The following THAP5 variants were observed in gnomAD, a reference collection of about 807,000 sequenced individuals.
THAP5 encodes the protein THAP domain containing 5.
Under a neutral mutation model 34.0 loss-of-function variants are expected in THAP5, and 26 were observed. The observed-to-expected ratio is 0.77, with a 90% CI of 0.56 to 1.06. THAP5 has a LOEUF of 1.06. Among genes scored for constraint, THAP5 ranks in the 50% least tolerant of loss-of-function variants. The probability of loss-of-function intolerance (pLI) is 0.00; values close to 1 mark genes in which losing one functional copy is unlikely to be tolerated. For synonymous variants in THAP5, 125 were observed against 153.0 expected, an observed-to-expected ratio of 0.82 and a Z score of 1.35; for missense variants, 394 against 452.8, an observed-to-expected ratio of 0.87 and a Z score of 1.18.
intron 2 of THAP5, 38 bp from the exon 3 acceptor site, chr7:108,565,143 T>A: frequency 7.0e-7 from 1 of 1,425,430 alleles, no homozygotes; most frequent in Non-Finnish European, 9.3e-7. Context: ...AAAAGATGAC[T>A]TTTATTGGCT....
downstream of THAP5, among the ~76,000 whole-genome samples, chr7:108,560,092 C>T (rs1019843585): frequency 6.6e-6 from 1 of 152,158 alleles, no homozygotes; most frequent in African/African-American, 2.4e-5. Context: ...TTCATATTAG[C>T]TTTAAACCTA....
At chr7:108,552,655 C>T (rs147605853), downstream of THAP5, among the ~76,000 whole-genome samples, 4,492 of 152,202 alleles carry the variant, frequency 0.03, 209 homozygotes, top group African/African-American at 0.099. Context: ...CAAAAATTAG[C>T]CAGGTGTTGT....
At chr7:108,553,612 A>G (rs557149773), downstream of THAP5, among the ~76,000 whole-genome samples, 5 of 152,184 alleles carry the variant, frequency 3.3e-5, no homozygotes, top group Non-Finnish European at 7.3e-5. Flanking sequence ...TACCAAAAAC[A>G]TAGGTCCCAG....
the THAP5 span, among the ~76,000 whole-genome samples, chr7:108,544,520 G>T: frequency 6.6e-6 from 1 of 150,668 alleles, no homozygotes; most frequent in Admixed American, 6.6e-5. Flanking sequence ...GACAGAGCAA[G>T]ACTCCATCTC....
At position 108,569,378 on chromosome 7, in the gene THAP5, T is replaced by C. The variant is rs1790560738; in HGVS notation, c.80+112A>G. 4.6e-6 allele frequency: 7 copies of C among 1,523,794 alleles called. No individual in the cohort carries two copies. The Middle Eastern group carries it at 5.1e-4, about 111-fold the overall frequency. 94.4% of individuals were successfully genotyped at this position (1,523,794 alleles called of 1,614,324 possible). Reference sequence around the variant, plus strand: ...GTCTTGCCGCGGGCGACGGGCCACGTACGGAGAGCTGAGGACTCACTGGCA... The same window carrying C: ...GTCTTGCCGCGGGCGACGGGCCACGCACGGAGAGCTGAGGACTCACTGGCA... On this transcript the variant is annotated intron_variant, in intron 1 of 2. Coordinates refer to ENST00000415914, the MANE Select transcript of THAP5 (RefSeq NM_001130475.3).
chr7:108,544,947 G>A, the THAP5 span, among the ~76,000 whole-genome samples: 1 of 152,122 alleles, frequency 6.6e-6, no homozygotes, highest in African/African-American at 2.4e-5. Flanking sequence ...CACTACGCCT[G>A]GCCTAGATTC....
the THAP5 span, among the ~76,000 whole-genome samples, chr7:108,548,619 G>A: frequency 1.3e-5 from 2 of 152,200 alleles, no homozygotes; most frequent in Non-Finnish European, 1.5e-5. Context: ...AGTTCCACAT[G>A]GCTGGGGAGG....
chr7:108,564,468 T>C lies in THAP5; in HGVS notation c.911A>G (p.Glu304Gly). 1 of 1,613,940 alleles carries C rather than the reference T, an allele frequency of 6.2e-7. No individual in the cohort carries two copies. ...GTCTACATCCTTATACAAGGAGTCT[T>C]CAATGTCTGTGTCTTCCATTTCCGT... ...ETTEMEDTDI[E>G]DSLYKDVDYG... The change falls in exon 3 of 3, where the codon GAA (glutamate) becomes GGA (glycine). Residue 304 changes from glutamate (E) to glycine (G), a missense_variant. Glu to Gly is a moderately conservative substitution (Grantham distance 98). Coordinates refer to ENST00000415914, the MANE Select transcript of THAP5 (RefSeq NM_001130475.3).
At chr7:108,569,751 G>A, upstream of THAP5, 1 of 769,880 alleles carries the variant, frequency 1.3e-6, no homozygotes, top group Non-Finnish European at 2.1e-6. Context: ...CGCCTTTTCG[G>A]GGGTTGAAGC....
At chr7:108,548,328 G>T in the THAP5 span, among the ~76,000 whole-genome samples, 2 of 152,112 alleles carry the variant, frequency 1.3e-5, no homozygotes, top group Admixed American at 6.5e-5. Context: ...ACTAGGAATT[G>T]TGCTAGACAA....
At chr7:108,565,190 G>T in intron 2 of THAP5, 85 bp from the exon 3 acceptor site, 1 of 1,094,750 alleles carries the variant, frequency 9.1e-7, no homozygotes, top group Non-Finnish European at 1.3e-6. Context: ...ATATTGAGTA[G>T]TACACTGGCC....
chr7:108,542,967 C>T, the THAP5 span, among the ~76,000 whole-genome samples: 2 of 151,864 alleles, frequency 1.3e-5, no homozygotes, highest in South Asian at 4.2e-4. Context: ...CGCTTTGTCA[C>T]CCAGGCTGGA....
At chr7:108,555,702 C>CTTTTTTT (rs11344007) in intron 1 of THAP5, among the ~76,000 whole-genome samples, 1 of 128,854 alleles carries the variant, frequency 7.8e-6, no homozygotes. Context: ...GCACCTTTTT[C>CTTTTTTT]TTTTTTTTTT....
intron 1 of THAP5, among the ~76,000 whole-genome samples, chr7:108,556,878 C>T (rs981940365): frequency 9.9e-5 from 15 of 152,236 alleles, no homozygotes; most frequent in African/African-American, 1.9e-4. Context: ...AGGGCTCTGC[C>T]CCTGCAGCAG....
rs1790555119 is a variant in THAP5 at position 108,569,176 on chromosome 7, T to C, written c.80+314A>G. 3.2e-6 allele frequency: 4 copies of C among 1,245,246 alleles called. No homozygotes were observed. The African/African-American group carries it at 4.5e-5, about 14-fold the overall frequency. 77.1% of individuals were successfully genotyped at this position (1,245,246 alleles called of 1,614,324 possible). A position where few individuals can be genotyped will look rare whatever the true frequency, so the allele number is the denominator to read the frequency against. The stretch of plus-strand genomic sequence containing the variant: ...CACGTATCTTAAATGGTGGTTAATG[T>C]TGTTCAATGAAATGAGATCACGTGA... On this transcript the variant is annotated intron_variant, in intron 1 of 2. Coordinates refer to ENST00000415914, the MANE Select transcript of THAP5 (RefSeq NM_001130475.3).
chr7:108,559,607 T>TA (rs1163228856), downstream of THAP5, among the ~76,000 whole-genome samples: 2 of 152,336 alleles, frequency 1.3e-5, no homozygotes, highest in Non-Finnish European at 1.5e-5. Flanking sequence ...AGTTCATTCT[T>TA]ACACTGCTAT....
the THAP5 span, among the ~76,000 whole-genome samples, chr7:108,544,523 T>A: frequency 6.7e-6 from 1 of 149,326 alleles, no homozygotes; most frequent in African/African-American, 2.5e-5. Context: ...AGAGCAAGAC[T>A]CCATCTCAAA....
downstream of THAP5, among the ~76,000 whole-genome samples, chr7:108,560,914 T>A (rs775877955): frequency 1.1e-4 from 17 of 152,270 alleles, no homozygotes; most frequent in South Asian, 1.2e-3. Flanking sequence ...ATTTTTAAAT[T>A]TTTTGTAGAG....
intron 1 of THAP5, 73 bp from the exon 2 acceptor site, chr7:108,566,095 C>G (rs2154518101): frequency 7.7e-7 from 1 of 1,304,834 alleles, no homozygotes; most frequent in East Asian, 2.5e-5. Context: ...AAATTCCCAC[C>G]CTATATATCT....
Sources: gnomAD v4.1 joint callset for allele counts (sites outside exome capture counted in the v4.1 genomes callset) on GRCh38, gnomAD v4.1.1 for gene constraint, MANE v1.5 for transcripts, NCBI Gene and HGNC (gene_info 2026-07-23, HGNC 2026-07-21) for gene names.